Variants in PPP1R13B observed in about 807,000 individuals in gnomAD.
PPP1R13B encodes the protein apoptosis-stimulating of p53 protein 1.
Under a neutral mutation model 119.8 loss-of-function variants are expected in PPP1R13B, and 44 were observed. The ratio of observed to expected loss-of-function variants is 0.37; its 90% CI spans 0.29 to 0.47. The LOEUF (loss-of-function observed/expected upper bound fraction) is 0.47, where lower values mean the gene tolerates loss of function less well. PPP1R13B is among the 20% of genes least tolerant of loss of function. PPP1R13B has a pLI of 0.99. For synonymous variants in PPP1R13B, 542 were observed against 561.5 expected (o/e 0.97, Z 0.49); for missense variants, 1,227 against 1,413.5 (o/e 0.87, Z 2.12).
intron 3 of PPP1R13B, among the ~76,000 whole-genome samples, chr14:103,782,146 G>C (rs1345977226): frequency 6.6e-6 from 1 of 152,058 alleles, no homozygotes; most frequent in Non-Finnish European, 1.5e-5. Flanking sequence ...AACATCCCCA[G>C]TTGCGTAGAT....
chr14:103,752,217 G>A (rs777794514), intron 7 of PPP1R13B, among the ~76,000 whole-genome samples: 23 of 152,198 alleles, frequency 1.5e-4, no homozygotes, highest in Admixed American at 2.6e-4. Flanking sequence ...CCACGCTGGA[G>A]CTCAGGAAGT....
Position 103,733,932 on chromosome 14 carries a change from C to T in PPP1R13B, c.*1222G>A, listed in dbSNP as rs2084018284. The T allele has an allele frequency of 6.4e-6, 1 of 156,802 alleles. No homozygotes were observed. Among genetic ancestry groups the T allele is most frequent in the Non-Finnish European group, 1.4e-5 (1 of 70,644 alleles). 9.7% of individuals were successfully genotyped at this position (156,802 alleles called of 1,614,324 possible). A position where few individuals can be genotyped will look rare whatever the true frequency, so the allele number is the denominator to read the frequency against. On this transcript the variant is annotated 3_prime_UTR_variant, in exon 17 of 17. Coordinates refer to ENST00000202556, the MANE Select transcript of PPP1R13B (RefSeq NM_015316.3). ...TGCTGCATCAGTGAGTCTGTACACA[C>T]ATTTTTACATAAATTACACACGACT...
intron 9 of PPP1R13B, among the ~76,000 whole-genome samples, chr14:103,745,531 C>A (rs2151970803): frequency 6.6e-6 from 1 of 152,370 alleles, no homozygotes. Flanking sequence ...GAGAAACAGA[C>A]TCTCCATGAA....
chr14:103,837,788 A>G (rs1030646534), intron 1 of PPP1R13B, among the ~76,000 whole-genome samples: 12 of 152,094 alleles, frequency 7.9e-5, no homozygotes, highest in Non-Finnish European at 2.9e-5. Flanking sequence ...TTTCTATCAT[A>G]CAAACCTGAC....
chr14:103,779,048 G>A (rs1363577458), intron 3 of PPP1R13B, among the ~76,000 whole-genome samples: 2 of 152,140 alleles, frequency 1.3e-5, no homozygotes, highest in African/African-American at 2.4e-5. Flanking sequence ...AGCACTTTGG[G>A]AGGCCAAAGC....
At chr14:103,839,256 C>G (rs976216676) in intron 1 of PPP1R13B, among the ~76,000 whole-genome samples, 1 of 151,992 alleles carries the variant, frequency 6.6e-6, no homozygotes, top group Non-Finnish European at 1.5e-5. Flanking sequence ...TTGTGATCTG[C>G]CCACCTCAGC....
chr14:103,751,594 G>A (rs1054636579), intron 7 of PPP1R13B, among the ~76,000 whole-genome samples: 1 of 152,156 alleles, frequency 6.6e-6, no homozygotes, highest in African/African-American at 2.4e-5. Context: ...GTGTCTGGAG[G>A]CAGGGTCTTT....
chr14:103,830,765 GT>G (rs1266050455), intron 1 of PPP1R13B, among the ~76,000 whole-genome samples: 1 of 152,170 alleles, frequency 6.6e-6, no homozygotes, highest in Non-Finnish European at 1.5e-5. Flanking sequence ...CTGAAATTGT[GT>G]TGTGCATATG....
In PPP1R13B at chr14:103,737,738, T is replaced by C. The variant is rs778956321; in HGVS notation, c.2987A>G (p.Glu996Gly). The change falls in exon 15 of 17, where the codon GAG becomes GGG. Residue 996 changes from glutamate (E) to glycine (G), a missense_variant. Coordinates refer to ENST00000202556, the MANE Select transcript of PPP1R13B (RefSeq NM_015316.3). ...SDIETAADKC[E>G]EMEEGYIQCS... ...CTGGATGTAGCCTTCCTCCATCTCC[T>C]CACACTTGTCTGCAGCAGTTTCAAT... 6.2e-7 allele frequency: 1 copy of C among 1,614,228 alleles called. No homozygotes were observed. The highest frequency in any genetic ancestry group is 1.1e-5 in the South Asian group (1 of 91,082).
chr14:103,848,218 C>G (rs930674570), upstream of PPP1R13B: 1 of 983,280 alleles, frequency 1.0e-6, no homozygotes, highest in Non-Finnish European at 1.2e-6. Flanking sequence ...TTGGCCTTCG[C>G]CCGAGCGATC....
rs751123800 is a variant in PPP1R13B, at chr14:103,754,096, T to C, written c.605A>G (p.Tyr202Cys). The part of the protein sequence containing the change: ...KIRAMRGQVD[Y>C]SKIMNGNLSA... ...CAGATTGCCGTTCATGATTTTGCTG[T>C]AGTCGACTTGTCCTCTCATTGCACG... The change falls in exon 6 of 17, where the codon TAC (tyrosine) becomes TGC (cysteine). Residue 202 changes from tyrosine (Y) to cysteine (C), a missense_variant. Transcript: ENST00000202556. 6.2e-7 allele frequency: 1 copy of C among 1,614,102 alleles called. No homozygotes were observed. The highest frequency in any genetic ancestry group is 8.5e-7 in the Non-Finnish European group (1 of 1,180,002).
chr14:103,792,252 A>G (rs1337758116), intron 2 of PPP1R13B, among the ~76,000 whole-genome samples: 2 of 150,804 alleles, frequency 1.3e-5, no homozygotes, highest in Non-Finnish European at 2.9e-5. Flanking sequence ...CCCAGGCTGG[A>G]GCACTGAAGT....
intron 4 of PPP1R13B, among the ~76,000 whole-genome samples, chr14:103,760,607 C>T (rs556104869): frequency 6.6e-6 from 1 of 152,290 alleles, no homozygotes; most frequent in Admixed American, 6.5e-5. Flanking sequence ...ATGATCCCTT[C>T]GGCAGGGACT....
chr14:103,837,733 T>C (rs2086809967), intron 1 of PPP1R13B, among the ~76,000 whole-genome samples: 2 of 152,332 alleles, frequency 1.3e-5, no homozygotes, highest in Middle Eastern at 6.8e-3. Flanking sequence ...TCTCCCTTAC[T>C]GCACCAACTA....
rs2084004224 is a variant in PPP1R13B at position 103,733,258 on chromosome 14, GT to G, written c.*1895del. ...GTGTATTGTCAATACTTAATTGGGG[GT>G]GGGAGAGACTGAGCTACACTACTGC... On this transcript the variant is annotated 3_prime_UTR_variant, in exon 17 of 17. Coordinates refer to ENST00000202556, the MANE Select transcript of PPP1R13B (RefSeq NM_015316.3). 8 of 535,960 alleles carry G rather than the reference GT, an allele frequency of 1.5e-5. No individual in the cohort carries two copies. The South Asian group carries it at 1.9e-4, about 13-fold the overall frequency. The allele number at this position is 535,960 out of a possible 1,614,324, so 33.2% of individuals were successfully genotyped here. A position where few individuals can be genotyped will look rare whatever the true frequency, so the allele number is the denominator to read the frequency against.
intron 5 of PPP1R13B, 23 bp from the exon 6 acceptor site, chr14:103,754,267 A>G: frequency 6.3e-7 from 1 of 1,596,368 alleles, no homozygotes; most frequent in East Asian, 2.2e-5. Flanking sequence ...AGAAAAATGT[A>G]ACTTTGAAAA....
At chr14:103,848,437 C>T, upstream of PPP1R13B, 2 of 985,462 alleles carry the variant, frequency 2.0e-6, no homozygotes, top group Non-Finnish European at 2.4e-6. Context: ...AGCAGACCCT[C>T]AGTAAAGGCT....
intron 4 of PPP1R13B, among the ~76,000 whole-genome samples, chr14:103,768,779 C>A (rs2084997012): frequency 6.6e-6 from 1 of 152,120 alleles, no homozygotes; most frequent in African/African-American, 2.4e-5. Context: ...CCATGCTGGC[C>A]AGGCTGGTCT....
intron 7 of PPP1R13B, among the ~76,000 whole-genome samples, chr14:103,750,518 C>A (rs1001008929): frequency 6.6e-6 from 1 of 152,208 alleles, no homozygotes; most frequent in Non-Finnish European, 1.5e-5. Flanking sequence ...CTCAACAGGA[C>A]GTAAAATGTA....
Sources: gnomAD v4.1 joint callset for allele counts (sites outside exome capture counted in the v4.1 genomes callset) on GRCh38, gnomAD v4.1.1 for gene constraint, MANE v1.5 for transcripts, NCBI Gene and HGNC (gene_info 2026-07-23, HGNC 2026-07-21) for gene names.